The following PCDHA8 variants were observed in gnomAD, a reference collection of about 807,000 sequenced individuals.
The protein encoded by PCDHA8 is protocadherin alpha-8.
A neutral mutation model predicts 61.8 loss-of-function variants in PCDHA8; 53 were observed. The ratio of observed to expected loss-of-function variants is 0.86; its 90% CI spans 0.69 to 1.08. PCDHA8 has a LOEUF of 1.08. Among genes scored for constraint, PCDHA8 ranks in the 50% least tolerant of loss-of-function variants. The pLI, the probability that PCDHA8 is intolerant of heterozygous loss-of-function variation, is 0.00. For missense variants in PCDHA8, 1,293 were observed against 1,245.0 expected (o/e 1.04, Z -0.58); for synonymous variants, 618 against 556.6 (o/e 1.11, Z -1.55).
At chr5:140,851,106 C>G in intron 1 of PCDHA8, 1 of 1,294,794 alleles carries the variant, frequency 7.7e-7, no homozygotes, top group South Asian at 2.7e-5. Context: ...TTTTTGGGTG[C>G]TGAATCAATT....
chr5:140,925,108 G>GGGAA (rs1299910272), intron 1 of PCDHA8, among the ~76,000 whole-genome samples: 1 of 124,780 alleles, frequency 8.0e-6, no homozygotes, highest in East Asian at 2.1e-4. Flanking sequence ...GAAGGAAGGA[G>GGGAA]GGAAGGAAGG....
intron 1 of PCDHA8, among the ~76,000 whole-genome samples, chr5:140,953,629 T>A (rs547651453): frequency 6.6e-6 from 1 of 152,298 alleles, no homozygotes; most frequent in East Asian, 1.9e-4. Context: ...TTGCTTTATG[T>A]ATTTTGGCCA....
At chr5:140,889,424 A>AT (rs1554183891) in intron 1 of PCDHA8, among the ~76,000 whole-genome samples, 2 of 151,956 alleles carry the variant, frequency 1.3e-5, no homozygotes, top group Non-Finnish European at 2.9e-5. Flanking sequence ...CGTAGATAAT[A>AT]TTTTTTCAGG....
At chr5:141,000,385 CTCTCTCTCTCTATA>C (rs1173975015) in intron 3 of PCDHA8, among the ~76,000 whole-genome samples, 30 of 64,968 alleles carry the variant, frequency 4.6e-4, no homozygotes, top group African/African-American at 1.8e-3. Context: ...CTCTCTCTCT[CTCTCTCTCTCTATA>C]TATATATATA....
In PCDHA8 at chr5:140,842,832, T is replaced by C; in HGVS notation, c.1511T>C (p.Leu504Pro). The change falls in exon 1 of 4, where the codon CTG becomes CCG. Residue 504 changes from leucine to proline, a missense_variant. Leu to Pro is a moderately conservative substitution (Grantham distance 98). Coordinates refer to ENST00000531613, the MANE Select transcript of PCDHA8 (RefSeq NM_018911.3). ...GAGCGGCGGGTGGGCGAGCGCTCGC[T>C]GTCGAGCTACATTTCGGTGCACACG... ...LVERRVGERS[L>P]SSYISVHTES... is the part of the protein sequence containing the mutation. 2 of 1,593,838 alleles carry C rather than the reference T, an allele frequency of 1.3e-6. No homozygotes were observed. Among genetic ancestry groups the C allele is most frequent in the East Asian group, 2.2e-5 (1 of 44,812 alleles).
intron 3 of PCDHA8, among the ~76,000 whole-genome samples, chr5:140,992,500 A>C (rs1205902091): frequency 6.6e-6 from 1 of 152,222 alleles, no homozygotes; most frequent in Non-Finnish European, 1.5e-5. Context: ...GTAAGGATTC[A>C]ATCCTGGGGC....
At chr5:140,967,548 C>T (rs782750678) in intron 1 of PCDHA8, 15 of 1,613,922 alleles carry the variant, frequency 9.3e-6, no homozygotes, top group Non-Finnish European at 1.3e-5. Context: ...GACCAGTCCA[C>T]TTATCGCGTC....
At chr5:140,934,171 A>C (rs965826085) in intron 1 of PCDHA8, among the ~76,000 whole-genome samples, 11 of 152,160 alleles carry the variant, frequency 7.2e-5, no homozygotes, top group African/African-American at 2.7e-4. Context: ...GTGCAACAGA[A>C]GTACTCTAAA....
At position 140,862,994 on chromosome 5, in the gene PCDHA8, G is replaced by A. The variant is rs199654880; in HGVS notation, c.2394+19279G>A. 324 of 549,002 alleles carry A rather than the reference G, an allele frequency of 5.9e-4. 3 individuals are homozygous for A. The highest frequency in any genetic ancestry group is 1.3e-3 in the South Asian group (92 of 72,564). 34.0% of individuals were successfully genotyped at this position (549,002 alleles called of 1,614,324 possible). On this transcript the variant is annotated intron_variant, in intron 1 of 3. Coordinates refer to ENST00000531613, the MANE Select transcript of PCDHA8 (RefSeq NM_018911.3). ...CCACTTGGTGGCGAAGGTGCGCACGGTGGACTCCAGCTATGACGCCTGGTT... is the reference window on the plus strand; with the variant it reads ...CCACTTGGTGGCGAAGGTGCGCACGATGGACTCCAGCTATGACGCCTGGTT...
At chr5:140,958,498 G>A (rs2095427243) in intron 1 of PCDHA8, among the ~76,000 whole-genome samples, 1 of 152,020 alleles carries the variant, frequency 6.6e-6, no homozygotes, top group African/African-American at 2.4e-5. Context: ...ACATATCCTA[G>A]GAGGCATGGC....
rs782039603 is a variant in PCDHA8 at position 140,876,722 on chromosome 5, G to A, written c.2394+33007G>A. 2.5e-6 allele frequency: 4 copies of A among 1,614,134 alleles called. No individual in the cohort carries two copies. In the Admixed American group the frequency reaches 5.0e-5, roughly 20 times the overall value. On this transcript the variant is annotated intron_variant, in intron 1 of 3. Coordinates refer to ENST00000531613, the MANE Select transcript of PCDHA8 (RefSeq NM_018911.3). ...CTGGACAGCGCCCTGGACCGCGAGA[G>A]CGTGTCGGCCTATGAGCTGGTGGTG...
At chr5:140,870,593 G>C (rs991131905) in intron 1 of PCDHA8, 2 of 1,613,454 alleles carry the variant, frequency 1.2e-6, no homozygotes, top group Admixed American at 3.3e-5. Flanking sequence ...GTGGAGCGGC[G>C]GTTGGGCGAC....
At chr5:140,907,752 T>C (rs1255877387) in intron 1 of PCDHA8, among the ~76,000 whole-genome samples, 5 of 152,190 alleles carry the variant, frequency 3.3e-5, no homozygotes, top group African/African-American at 1.2e-4. Flanking sequence ...ACTTTGTTCA[T>C]GGGCCCATTG....
At chr5:140,871,475 G>A in intron 1 of PCDHA8, 1 of 1,598,972 alleles carries the variant, frequency 6.3e-7, no homozygotes, top group Non-Finnish European at 8.5e-7. Context: ...CAGGAGCCAG[G>A]GTCAAATCAC....
intron 1 of PCDHA8, among the ~76,000 whole-genome samples, chr5:140,958,134 T>C (rs1235856780): frequency 6.6e-6 from 1 of 152,150 alleles, no homozygotes; most frequent in African/African-American, 2.4e-5. Flanking sequence ...TGTATCAGTG[T>C]GTATATTTAT....
intron 1 of PCDHA8, among the ~76,000 whole-genome samples, chr5:140,912,343 ATTTTT>A (rs35252606): frequency 7.0e-6 from 1 of 143,858 alleles, no homozygotes; most frequent in Non-Finnish European, 1.5e-5. Context: ...TACACTAAGT[ATTTTT>A]TTTTTTTTTT....
At chr5:140,966,374 C>A in intron 1 of PCDHA8, 1 of 405,174 alleles carries the variant, frequency 2.5e-6, no homozygotes, top group South Asian at 1.3e-4. Flanking sequence ...GCTGAGCAGT[C>A]CGGGTTCGCT....
intron 1 of PCDHA8, chr5:140,864,624 A>C (rs2048544669): frequency 6.6e-6 from 1 of 152,110 alleles, no homozygotes; most frequent in African/African-American, 2.4e-5. Flanking sequence ...TTTTTTAAAA[A>C]GAAAACAAAA....
chr5:140,859,066 G>A (rs949613185), intron 1 of PCDHA8: 1 of 150,848 alleles, frequency 6.6e-6, no homozygotes, highest in Non-Finnish European at 1.5e-5. Flanking sequence ...TATTTTAGTT[G>A]TAGTGGTACC....
Sources: allele counts gnomAD v4.1 joint callset (sites outside exome capture counted in the v4.1 genomes callset), GRCh38; gene constraint gnomAD v4.1.1; transcripts MANE v1.5; gene names NCBI Gene and HGNC (gene_info 2026-07-23, HGNC 2026-07-21).